IPO7: variants seen among roughly 807,000 people sequenced by gnomAD.
IPO7 encodes the protein importin 7.
IPO7 carries 13 observed loss-of-function variants against 136.4 expected under a neutral mutation model. The observed-to-expected ratio is 0.10, with a 90% CI of 0.06 to 0.15. The LOEUF (loss-of-function observed/expected upper bound fraction) is 0.15, where lower values mean the gene tolerates loss of function less well. IPO7 is among the 10% of genes least tolerant of loss of function. The pLI, the probability that IPO7 is intolerant of heterozygous loss-of-function variation, is 1.00. For synonymous variants in IPO7, 403 were observed against 404.4 expected (o/e 1.00, Z 0.04); for missense variants, 857 against 1,240.6 (o/e 0.69, Z 4.65).
At position 9,409,975 on chromosome 11, in the gene IPO7, C is replaced by G; in HGVS notation, c.368C>G (p.Pro123Arg). Residue 123 changes from proline to arginine, a missense_variant, in exon 4 of 25, where the codon CCA (proline) becomes CGA (arginine). This residue lies in a region of IPO7 where 287 missense variants were observed against 307.5 expected (regional missense o/e 0.93). Transcript: ENST00000379719. ...CIHHIIKHDY[P>R]SRWTAIVDKI... ...CATCACATCATCAAACATGATTATC[C>G]AAGCCGCTGGACTGCCATTGTGGAC... 1 of 1,604,412 alleles carries G rather than the reference C, an allele frequency of 6.2e-7. No individual in the cohort carries two copies.
intron 24 of IPO7, among the ~76,000 whole-genome samples, chr11:9,443,934 C>A (rs890066086): frequency 6.6e-6 from 1 of 150,620 alleles, no homozygotes; most frequent in Non-Finnish European, 1.5e-5. Flanking sequence ...TAAATAGCTC[C>A]CAGACATATC....
At chr11:9,424,750 C>G (rs1037452094) in intron 10 of IPO7, among the ~76,000 whole-genome samples, 164 bp from the exon 11 acceptor site, 4 of 152,172 alleles carry the variant, frequency 2.6e-5, no homozygotes, top group African/African-American at 9.7e-5. Context: ...TCAAAACAAA[C>G]AAAAGCATTC....
At chr11:9,418,141 G>T (rs745915894) in intron 6 of IPO7, among the ~76,000 whole-genome samples, 6 of 151,826 alleles carry the variant, frequency 4.0e-5, no homozygotes, top group Non-Finnish European at 7.4e-5. Context: ...TGCGATCTCA[G>T]CTCACTGCAA....
intron 8 of IPO7, 94 bp from the exon 9 acceptor site, chr11:9,422,912 G>C: frequency 1.6e-6 from 1 of 640,838 alleles, no homozygotes. Flanking sequence ...TGATGAGCTT[G>C]TCATTAAAAT....
intron 1 of IPO7, among the ~76,000 whole-genome samples, chr11:9,398,750 G>A (rs1414842943): frequency 6.6e-6 from 1 of 152,108 alleles, no homozygotes; most frequent in Non-Finnish European, 1.5e-5. Context: ...TTGAAAATCT[G>A]CTTCTAGCTA....
Position 9,433,824 on chromosome 11 carries a change from A to T in IPO7, c.2052A>T (p.Gln684His). Residue 684 changes from glutamine (Q) to histidine (H), a missense_variant, in exon 18 of 25, where the codon CAA becomes CAT. Gln to His is a conservative substitution (Grantham distance 24). Transcript: ENST00000379719. The part of the protein sequence containing the change: ...LLPLVFEVFQ[Q>H]DGFDYFTDMM... ...CCCTTGTATTTGAAGTCTTTCAGCA[A>T]GATGGCTTTGATTACTTTACAGGTG... 6.2e-7 allele frequency: 1 copy of T among 1,611,404 alleles called. No homozygotes were observed. The highest frequency in any genetic ancestry group is 8.5e-7 in the Non-Finnish European group (1 of 1,179,892).
chr11:9,404,846 G>A (rs1854858216), intron 2 of IPO7, among the ~76,000 whole-genome samples: 1 of 152,118 alleles, frequency 6.6e-6, no homozygotes, highest in African/African-American at 2.4e-5. Context: ...GATTACAGGC[G>A]TGAGCCACCG....
chr11:9,398,316 G>C (rs1854744163), intron 1 of IPO7, among the ~76,000 whole-genome samples: 1 of 152,136 alleles, frequency 6.6e-6, no homozygotes, highest in African/African-American at 2.4e-5. Flanking sequence ...AGGAGAAACA[G>C]GCATAAGACC....
intron 1 of IPO7, among the ~76,000 whole-genome samples, chr11:9,402,399 C>CAAAAA (rs71062846): frequency 3.1e-4 from 14 of 44,898 alleles, no homozygotes; most frequent in East Asian, 2.2e-3. Context: ...GACTGTGTCT[C>CAAAAA]AAAAAAAAAA....
chr11:9,444,728 G>C lies in IPO7; in HGVS notation c.3020-369G>C, dbSNP rs540487977. 1.1e-3 allele frequency among the ~76,000 whole-genome samples: 160 copies of C among 151,800 alleles called. 1 individual carries two copies. The highest frequency in any genetic ancestry group is 3.6e-3 in the African/African-American group (150 of 41,412). ...CACGCACTTGTAGTCCCAGCTACTT[G>C]GGAGGCTAAGGCAGGAGAGAATCGC... On this transcript the variant is annotated intron_variant, in intron 24 of 24. Coordinates refer to ENST00000379719, the MANE Select transcript of IPO7 (RefSeq NM_006391.3).
In IPO7 at chr11:9,433,810, G is replaced by C. The variant is rs981959649; in HGVS notation, c.2038G>C (p.Glu680Gln). The C allele has an allele frequency of 6.2e-7, 1 of 1,611,518 alleles. No homozygotes were observed. The highest frequency in any genetic ancestry group is 8.5e-7 in the Non-Finnish European group (1 of 1,179,902). Reference protein sequence around the residue: ...QMWQLLPLVFEVFQQDGFDYF... With the variant: ...QMWQLLPLVFQVFQQDGFDYF... ...GTGGCAGCTACTACCCCTTGTATTT[G>C]AAGTCTTTCAGCAAGATGGCTTTGA... The change falls in exon 18 of 25, where the codon GAA becomes CAA. Residue 680 changes from glutamate (E) to glutamine (Q), a missense_variant. By Grantham distance (29) the Glu-to-Gln change is conservative (BLOSUM62 2). Around this residue, in one of 11 missense-constraint regions of IPO7, gnomAD observed 190 missense variants for 249.0 expected, o/e 0.76. Coordinates refer to ENST00000379719, the MANE Select transcript of IPO7 (RefSeq NM_006391.3).
At chr11:9,396,679 T>G (rs1255955462) in intron 1 of IPO7, among the ~76,000 whole-genome samples, 1 of 152,260 alleles carries the variant, frequency 6.6e-6, no homozygotes, top group East Asian at 1.9e-4. Context: ...ATACAATATG[T>G]AGTCTTTTGT....
At chr11:9,428,348 G>T (rs991726956) in intron 12 of IPO7, among the ~76,000 whole-genome samples, 192 bp from the exon 13 acceptor site, 1 of 152,192 alleles carries the variant, frequency 6.6e-6, no homozygotes, top group Non-Finnish European at 1.5e-5. Context: ...ATATAAAAAC[G>T]TGAAAATGTG....
intron 8 of IPO7, 30 bp from the exon 9 acceptor site, chr11:9,422,976 T>C: frequency 1.4e-6 from 2 of 1,443,262 alleles, no homozygotes; most frequent in African/African-American, 1.4e-5. Context: ...TATTTGAACA[T>C]TGATTTGTGA....
At chr11:9,421,861 G>A (rs1235252856) in intron 8 of IPO7, among the ~76,000 whole-genome samples, 3 of 150,432 alleles carry the variant, frequency 2.0e-5, no homozygotes, top group African/African-American at 4.9e-5. Context: ...AGAGAATGGC[G>A]TGAACCTGGG....
chr11:9,403,166 G>T (rs1405574049), intron 1 of IPO7, 124 bp from the exon 2 acceptor site: 3 of 692,414 alleles, frequency 4.3e-6, no homozygotes, highest in Non-Finnish European at 5.1e-6. Flanking sequence ...AAATAAGACT[G>T]GAACCAGTTA....
chr11:9,399,452 C>T (rs888562356), intron 1 of IPO7, among the ~76,000 whole-genome samples: 5 of 152,060 alleles, frequency 3.3e-5, no homozygotes, highest in African/African-American at 1.2e-4. Flanking sequence ...TGAGCCACCG[C>T]GCCCGGCAGC....
Position 9,430,850 on chromosome 11 carries a change from T to C in IPO7, c.1753-25T>C, listed in dbSNP as rs751202594. 3.1e-6 allele frequency: 5 copies of C among 1,605,610 alleles called. No individual in the cohort carries two copies. In the African/African-American group the frequency reaches 6.7e-5, roughly 21 times the overall value. ...TATTTATAATGCTTCAGTGACAAACTTGAGTTATATTCTCTTGAATCTAGG... is the reference window on the plus strand; with the variant it reads ...TATTTATAATGCTTCAGTGACAAACCTGAGTTATATTCTCTTGAATCTAGG... On this transcript the variant is annotated intron_variant, in intron 15 of 24. Transcript: ENST00000379719.
At position 9,433,831 on chromosome 11, in the gene IPO7, T is replaced by C; in HGVS notation, c.2059T>C (p.Phe687Leu). 6.2e-7 allele frequency: 1 copy of C among 1,610,996 alleles called. No homozygotes were observed. The highest frequency in any genetic ancestry group is 8.5e-7 in the Non-Finnish European group (1 of 1,179,838). Residue 687 changes from phenylalanine (F) to leucine (L), a missense_variant, in exon 18 of 25, where the codon TTT becomes CTT. This residue lies in a region of IPO7 where 190 missense variants were observed against 249.0 expected (regional missense o/e 0.76). Transcript: ENST00000379719. ...LVFEVFQQDG[F>L]DYFTDMMPLL... ...ATTTGAAGTCTTTCAGCAAGATGGC[T>C]TTGATTACTTTACAGGTGAGTCAAA...
Sources: gnomAD v4.1 joint callset for allele counts (sites outside exome capture counted in the v4.1 genomes callset) on GRCh38, gnomAD v4.1.1 for gene constraint, gnomAD v4.1.1 regional missense constraint, MANE v1.5 for transcripts, NCBI Gene and HGNC (gene_info 2026-07-23, HGNC 2026-07-21) for gene names.